Variants in ACSS1 observed in about 807,000 individuals in gnomAD.
The protein encoded by ACSS1 is acetyl-coenzyme A synthetase 2-like, mitochondrial.
In ACSS1, 42 loss-of-function variants were observed where a neutral mutation model predicts 75.3. The ratio of observed to expected loss-of-function variants is 0.56; its 90% CI spans 0.44 to 0.72. The LOEUF is 0.72. Ranked by LOEUF, ACSS1 falls within the 30% of genes least tolerant of loss-of-function variation. The probability of loss-of-function intolerance (pLI) is 0.00; values close to 1 mark genes in which losing one functional copy is unlikely to be tolerated. For missense variants in ACSS1, 782 were observed against 935.7 expected (o/e 0.84, Z 2.14); for synonymous variants, 380 against 376.8 (o/e 1.01, Z -0.10).
At chr20:25,041,296 G>C (rs996700147) in intron 2 of ACSS1, among the ~76,000 whole-genome samples, 2 of 151,824 alleles carry the variant, frequency 1.3e-5, no homozygotes, top group East Asian at 3.9e-4. Flanking sequence ...TGGAAGGAAG[G>C]TGAGAAGCAA....
At chr20:25,047,834 T>C (rs1021553764) in intron 2 of ACSS1, among the ~76,000 whole-genome samples, 5 of 151,988 alleles carry the variant, frequency 3.3e-5, no homozygotes, top group African/African-American at 1.2e-4. Flanking sequence ...ACAAAACAAC[T>C]CTACTAAAGA....
chr20:25,021,683 G>T, intron 5 of ACSS1, 147 bp from the exon 6 acceptor site: 1 of 972,366 alleles, frequency 1.0e-6, no homozygotes, highest in Non-Finnish European at 1.5e-6. Flanking sequence ...CAGCAGGACA[G>T]GTGGGCACAC....
Position 25,009,253 on chromosome 20 carries a change from G to C in ACSS1, c.1890+17C>G. ...AGAACAGCAGCACAGCCCCATCTTT[G>C]TGGGAGGCCCACTCACCAGGATCTC... On this transcript the variant is annotated intron_variant, in intron 13 of 13. Transcript: ENST00000323482. 1 of 1,576,616 alleles carries C rather than the reference G, an allele frequency of 6.3e-7. No homozygotes were observed. The highest frequency in any genetic ancestry group is 1.7e-5 in the Admixed American group (1 of 59,962).
intron 2 of ACSS1, among the ~76,000 whole-genome samples, chr20:25,044,411 A>C (rs1170259120): frequency 1.3e-5 from 2 of 152,146 alleles, no homozygotes; most frequent in African/African-American, 4.8e-5. Context: ...CAGTCACTCC[A>C]ACCCAGGAGT....
At chr20:25,038,617 A>G (rs1051312637) in intron 2 of ACSS1, among the ~76,000 whole-genome samples, 3 of 152,198 alleles carry the variant, frequency 2.0e-5, no homozygotes, top group Non-Finnish European at 4.4e-5. Context: ...CTCAGGGCAC[A>G]TGCACCTCAG....
chr20:25,018,103 G>A (rs2088552410), intron 7 of ACSS1, among the ~76,000 whole-genome samples: 2 of 152,190 alleles, frequency 1.3e-5, no homozygotes, highest in South Asian at 2.1e-4. Context: ...CAAATCTCAC[G>A]CTGAAATGTA....
At chr20:25,008,795 G>T (rs1278666547) in intron 13 of ACSS1, among the ~76,000 whole-genome samples, 2 of 152,182 alleles carry the variant, frequency 1.3e-5, no homozygotes, top group Admixed American at 6.5e-5. Context: ...AATCCCTAAG[G>T]TTCTTCACCA....
In ACSS1 at chr20:25,020,091, T is replaced by C; in HGVS notation, c.1165A>G (p.Thr389Ala). The C allele has an allele frequency of 6.2e-6, 10 of 1,614,242 alleles. No homozygotes were observed. The highest frequency in any genetic ancestry group is 8.5e-6 in the Non-Finnish European group (10 of 1,180,044). The change falls in exon 7 of 14, where the codon ACG becomes GCG. Residue 389 changes from threonine (T) to alanine (A), a missense_variant. Thr to Ala is a moderately conservative substitution (Grantham distance 58, BLOSUM62 0). This residue lies in a region of ACSS1 where 405 missense variants were observed against 552.6 expected (regional missense o/e 0.73). Transcript: ENST00000323482. ...TATTTCAGCAACAGCCGGACAGCCG[T>C]TGGGGCGCCATAGAACTGATTGATC... ...LKINQFYGAPTAVRLLLKYGD... is the reference protein window; with the variant it reads ...LKINQFYGAPAAVRLLLKYGD...
chr20:25,031,747 T>C (rs1244628918), intron 2 of ACSS1, among the ~76,000 whole-genome samples: 1 of 152,164 alleles, frequency 6.6e-6, no homozygotes, highest in Non-Finnish European at 1.5e-5. Flanking sequence ...GACCCCTTTT[T>C]CCAGCAGCAG....
At chr20:25,035,771 A>G (rs891523190) in intron 2 of ACSS1, among the ~76,000 whole-genome samples, 2 of 152,226 alleles carry the variant, frequency 1.3e-5, no homozygotes, top group African/African-American at 2.4e-5. Flanking sequence ...CCAGACATAT[A>G]TTATTGGAAA....
At chr20:25,035,921 G>A (rs745344325) in intron 2 of ACSS1, among the ~76,000 whole-genome samples, 7 of 152,306 alleles carry the variant, frequency 4.6e-5, no homozygotes, top group Non-Finnish European at 1.0e-4. Context: ...TCCACAAACC[G>A]AAATGTTACT....
At chr20:25,021,251 C>G (rs998472116) in intron 6 of ACSS1, 138 bp downstream of exon 6, 2 of 1,189,802 alleles carry the variant, frequency 1.7e-6, no homozygotes, top group Non-Finnish European at 2.3e-6. Context: ...CCGGGCATTT[C>G]GACAGCAGGA....
At chr20:25,043,051 C>T (rs1164855104) in intron 2 of ACSS1, among the ~76,000 whole-genome samples, 1 of 152,134 alleles carries the variant, frequency 6.6e-6, no homozygotes, top group East Asian at 1.9e-4. Context: ...TCCACCAGGT[C>T]CTGGGCCCTG....
intron 2 of ACSS1, among the ~76,000 whole-genome samples, chr20:25,033,486 A>G (rs2088861581): frequency 6.6e-6 from 1 of 152,250 alleles, no homozygotes; most frequent in African/African-American, 2.4e-5. Flanking sequence ...GAACTCTGCC[A>G]AACATTCAGT....
intron 1 of ACSS1, among the ~76,000 whole-genome samples, chr20:25,050,322 G>T (rs1418659968): frequency 3.3e-5 from 5 of 152,096 alleles, no homozygotes; most frequent in African/African-American, 9.7e-5. Flanking sequence ...GTCACCTCCA[G>T]TGACTCTATG....
rs1294933528 is a variant in ACSS1 at position 25,014,014 on chromosome 20, CAGGG to C, written c.1395_1398del (p.Ala467TrpfsTer3). The C allele has an allele frequency of 1.2e-6, 2 of 1,613,848 alleles. No individual in the cohort carries two copies. Among genetic ancestry groups the C allele is most frequent in the Non-Finnish European group, 1.7e-6 (2 of 1,179,916 alleles). On this transcript the variant is annotated frameshift_variant, in exon 9 of 14. Coordinates refer to ENST00000323482, the MANE Select transcript of ACSS1 (RefSeq NM_032501.4). LOFTEE classifies it high-confidence loss of function. ...CCAAAGAAGGGCCTCATCGCCATGGCAGGGAGGATTTCCGCCCCTTCTTCCGAGG... is the reference window on the plus strand; with the variant it reads ...CCAAAGAAGGGCCTCATCGCCATGGCAGGATTTCCGCCCCTTCTTCCGAGG...
At chr20:25,051,010 G>A (rs56246045) in intron 1 of ACSS1, among the ~76,000 whole-genome samples, 1 of 152,044 alleles carries the variant, frequency 6.6e-6, no homozygotes, top group South Asian at 2.1e-4. Context: ...ACATGCAGAG[G>A]TGCTCAAAAA....
chr20:25,013,414 C>T (rs573131434), intron 10 of ACSS1, 122 bp downstream of exon 10: 31 of 1,326,962 alleles, frequency 2.3e-5, no homozygotes, highest in Middle Eastern at 4.9e-4. Flanking sequence ...TCTGGCCTCG[C>T]GAGCACCTAT....
rs776887830 is a variant in ACSS1, at chr20:25,023,570, C to A, written c.703G>T (p.Val235Leu). 1.2e-6 allele frequency: 2 copies of A among 1,614,136 alleles called. No individual in the cohort carries two copies. The highest frequency in any genetic ancestry group is 4.5e-5 in the East Asian group (2 of 44,878). The change falls in exon 4 of 14, where the codon GTG becomes TTG. Residue 235 changes from valine (V) to leucine (L), a missense_variant. Transcript: ENST00000323482. ...GGGCAGTGCTTCACAGCCTCATCCA[C>A]TATTTTCTTCAGCTCCACCACGCGC... ...GGRVVELKKIVDEAVKHCPTV... is the reference protein window; with the variant it reads ...GGRVVELKKILDEAVKHCPTV...
Sources: allele counts gnomAD v4.1 joint callset (sites outside exome capture counted in the v4.1 genomes callset), GRCh38; gene constraint gnomAD v4.1.1; regional missense constraint gnomAD v4.1.1; transcripts MANE v1.5; gene names NCBI Gene and HGNC (gene_info 2026-07-23, HGNC 2026-07-21).